The following CPNE4 variants were observed in gnomAD, a reference collection of about 807,000 sequenced individuals.
CPNE4 encodes copine 4, also known as copine-4.
A neutral mutation model predicts 67.9 loss-of-function variants in CPNE4; 25 were observed. The ratio of observed to expected loss-of-function variants is 0.37; its 90% CI spans 0.27 to 0.51. CPNE4 has a LOEUF of 0.51. Ranked by LOEUF, CPNE4 falls within the 20% of genes least tolerant of loss-of-function variation. CPNE4 has a pLI of 0.93. For synonymous variants in CPNE4, 242 were observed against 244.9 expected, an observed-to-expected ratio of 0.99 and a Z score of 0.11; for missense variants, 464 against 690.8, an observed-to-expected ratio of 0.67 and a Z score of 3.68.
rs1051839312 is a variant in CPNE4, at chr3:132,004,519, T to C, written c.-2+30048A>G. 9.9e-5 allele frequency among the ~76,000 whole-genome samples: 15 copies of C among 152,222 alleles called. 1 individual carries two copies. The highest frequency in any genetic ancestry group is 4.1e-4 in the South Asian group (2 of 4,820). On this transcript the variant is annotated intron_variant, in intron 1 of 15. Coordinates refer to ENST00000429747, the MANE Select transcript of CPNE4 (RefSeq NM_130808.3). ...TAGTTTTATATTCTGCTAAGTTTAC[T>C]TAGCATTGTATTGTGAAGATTTTAA...
At position 131,944,451 on chromosome 3, in the gene CPNE4, G is replaced by T. The variant is rs545919249; in HGVS notation, c.-1-39007C>A. ...TGTAAGGTCTTCCTGCCCACAGGTT[G>T]CTCCTGGCTATTAGTACTACTAATA... On this transcript the variant is annotated intron_variant, in intron 1 of 15. Transcript: ENST00000429747. Among the ~76,000 whole-genome samples, 73 of 152,150 alleles carry T rather than the reference G, an allele frequency of 4.8e-4. 1 individual carries two copies. The highest frequency in any genetic ancestry group is 1.7e-3 in the African/African-American group (70 of 41,512).
chr3:131,835,565 A>G (rs528225452), intron 2 of CPNE4, among the ~76,000 whole-genome samples: 1 of 151,816 alleles, frequency 6.6e-6, no homozygotes, highest in Non-Finnish European at 1.5e-5. Context: ...TGTTTCCTCC[A>G]TTCAGAGGAC....
intron 9 of CPNE4, among the ~76,000 whole-genome samples, chr3:131,579,160 C>T (rs920488396): frequency 2.0e-5 from 3 of 152,184 alleles, no homozygotes; most frequent in Admixed American, 6.5e-5. Flanking sequence ...TGTTCATTTA[C>T]CATTTCAAAA....
intron 14 of CPNE4, among the ~76,000 whole-genome samples, chr3:131,548,808 A>G (rs904988663): frequency 6.6e-6 from 1 of 152,200 alleles, no homozygotes; most frequent in East Asian, 1.9e-4. Context: ...TCCAAGTATG[A>G]TGAGAAGTAT....
At chr3:131,831,233 T>C (rs2085357124) in intron 2 of CPNE4, among the ~76,000 whole-genome samples, 1 of 152,154 alleles carries the variant, frequency 6.6e-6, no homozygotes, top group Non-Finnish European at 1.5e-5. Context: ...AGAATGAATA[T>C]TGAGAAATTT....
chr3:131,666,469 G>A (rs952711143), intron 7 of CPNE4, among the ~76,000 whole-genome samples: 2 of 151,976 alleles, frequency 1.3e-5, no homozygotes, highest in Admixed American at 6.6e-5. Context: ...ATTGATTTAG[G>A]TCAAGAATTC....
intron 1 of CPNE4, among the ~76,000 whole-genome samples, chr3:131,963,237 A>G (rs944256973): frequency 6.6e-6 from 1 of 152,056 alleles, no homozygotes; most frequent in East Asian, 1.9e-4. Flanking sequence ...CATGGTTTTT[A>G]CAACCCACAG....
chr3:131,549,422 G>A (rs529325109), intron 14 of CPNE4, among the ~76,000 whole-genome samples: 7 of 152,052 alleles, frequency 4.6e-5, no homozygotes, highest in African/African-American at 1.7e-4. Context: ...AAAATATTAG[G>A]GGCAAAACTC....
intron 6 of CPNE4, among the ~76,000 whole-genome samples, chr3:131,671,745 A>G (rs569791892): frequency 5.3e-5 from 8 of 152,194 alleles, no homozygotes; most frequent in Non-Finnish European, 1.0e-4. Flanking sequence ...GAAGAAAAGT[A>G]CAGCAATAGT....
At chr3:131,817,724 G>A (rs956979217) in intron 2 of CPNE4, among the ~76,000 whole-genome samples, 2 of 152,186 alleles carry the variant, frequency 1.3e-5, no homozygotes, top group African/African-American at 4.8e-5. Flanking sequence ...AAGCCAGGGG[G>A]CCCACGAAAC....
intron 1 of CPNE4, among the ~76,000 whole-genome samples, chr3:132,001,561 A>AG (rs1553827260): frequency 7.2e-5 from 8 of 111,102 alleles, no homozygotes; most frequent in African/African-American, 2.9e-4. Context: ...AAGAGAAAGA[A>AG]AGAAAGAAAG....
intron 2 of CPNE4, among the ~76,000 whole-genome samples, chr3:131,800,864 A>G (rs2084073113): frequency 6.6e-6 from 1 of 152,194 alleles, no homozygotes; most frequent in Non-Finnish European, 1.5e-5. Context: ...TTTCTAAGAG[A>G]AACACTAAGA....
chr3:131,841,114 C>T (rs932331448), intron 2 of CPNE4, among the ~76,000 whole-genome samples: 3 of 152,166 alleles, frequency 2.0e-5, no homozygotes, highest in Non-Finnish European at 2.9e-5. Flanking sequence ...AGAGGAGTTA[C>T]ATAGGAAGTA....
chr3:131,821,414 G>A (rs2084955204), intron 2 of CPNE4, among the ~76,000 whole-genome samples: 1 of 152,226 alleles, frequency 6.6e-6, no homozygotes, highest in Non-Finnish European at 1.5e-5. Context: ...CCTATTGTGA[G>A]AATTCTGGAC....
intron 7 of CPNE4, among the ~76,000 whole-genome samples, chr3:131,598,910 A>G (rs1024770306): frequency 2.3e-5 from 3 of 132,484 alleles, no homozygotes. Context: ...CGCTGGGTTT[A>G]CTCACAAAAT....
intron 1 of CPNE4, among the ~76,000 whole-genome samples, chr3:131,914,887 A>G (rs1054735889): frequency 6.6e-6 from 1 of 152,120 alleles, no homozygotes; most frequent in African/African-American, 2.4e-5. Flanking sequence ...GAGGCAGGAG[A>G]ATCGCTTGAA....
intron 5 of CPNE4, among the ~76,000 whole-genome samples, chr3:131,696,208 T>C (rs563500745): frequency 6.6e-6 from 1 of 152,208 alleles, no homozygotes; most frequent in Non-Finnish European, 1.5e-5. Context: ...AGGTGCTCAA[T>C]AAATGTCATT....
At chr3:131,824,418 A>AT (rs2085078327) in intron 2 of CPNE4, among the ~76,000 whole-genome samples, 1 of 152,338 alleles carries the variant, frequency 6.6e-6, no homozygotes, top group South Asian at 2.1e-4. Flanking sequence ...TCAAGACGGA[A>AT]TTTTTTATGG....
rs1270638939 is a variant in CPNE4, at chr3:131,555,498, G to T, written c.1115C>A (p.Thr372Lys). The change falls in exon 12 of 16, where the codon ACG becomes AAG. Residue 372 changes from threonine (T) to lysine (K), a missense_variant and splice_region_variant. This residue lies in a region of CPNE4 where 201 missense variants were observed against 357.7 expected (regional missense o/e 0.56). Transcript: ENST00000429747. The part of the protein sequence containing the change: ...GFGARIPPEY[T>K]VSHDFAINFN... ...AAGATCACATCTCCACTCACTCACC[G>T]TGTACTCTGGAGGTATCCTGGCGCC... 35 of 1,611,742 alleles carry T rather than the reference G, an allele frequency of 2.2e-5. No individual in the cohort carries two copies. Among genetic ancestry groups the T allele is most frequent in the African/African-American group, 4.0e-5 (3 of 74,830 alleles).
Sources: gnomAD v4.1 joint callset for allele counts (sites outside exome capture counted in the v4.1 genomes callset) on GRCh38, gnomAD v4.1.1 for gene constraint, gnomAD v4.1.1 regional missense constraint, MANE v1.5 for transcripts, NCBI Gene and HGNC (gene_info 2026-07-23, HGNC 2026-07-21) for gene names.